ZFHX3: variants seen among roughly 807,000 people sequenced by gnomAD.
ZFHX3 encodes zinc finger homeobox 3.
ZFHX3 carries 42 observed loss-of-function variants against 279.1 expected under a neutral mutation model. The ratio of observed to expected loss-of-function variants is 0.15; its 90% CI spans 0.12 to 0.19. The LOEUF is 0.19. ZFHX3 is among the 10% of genes least tolerant of loss of function. The pLI, the probability that ZFHX3 is intolerant of heterozygous loss-of-function variation, is 1.00. For synonymous variants in ZFHX3, 2,293 were observed against 1,957.8 expected (o/e 1.17, Z -4.52); for missense variants, 4,981 against 4,754.0 (o/e 1.05, Z -1.40).
chr16:73,772,701 G>A (rs2054032164), intron 1 of ZFHX3, among the ~76,000 whole-genome samples: 1 of 152,166 alleles, frequency 6.6e-6, no homozygotes, highest in Non-Finnish European at 1.5e-5. Context: ...TCCTCGGCCT[G>A]CAGCTCCTGT....
At chr16:73,293,984 G>A (rs2014838068) in intron 4 of ZFHX3, 1 of 47,820 alleles carries the variant, frequency 2.1e-5, no homozygotes, top group Non-Finnish European at 3.3e-5. Flanking sequence ...AAGTCAATAT[G>A]CCAAAAAAAA....
At chr16:73,682,912 GAAA>G (rs2053032279) in intron 1 of ZFHX3, among the ~76,000 whole-genome samples, 1 of 19,476 alleles carries the variant, frequency 5.1e-5, no homozygotes, top group Admixed American at 6.4e-4. Flanking sequence ...GAAAGAGAAA[GAAA>G]GAGAGAAAGA....
chr16:73,695,320 C>T (rs1439259273), intron 1 of ZFHX3, among the ~76,000 whole-genome samples: 1 of 151,290 alleles, frequency 6.6e-6, no homozygotes, highest in Non-Finnish European at 1.5e-5. Flanking sequence ...ACTGCAACCT[C>T]CACCTCCCCG....
chr16:73,736,608 T>A (rs1436441838), intron 1 of ZFHX3, among the ~76,000 whole-genome samples: 1 of 152,238 alleles, frequency 6.6e-6, no homozygotes, highest in African/African-American at 2.4e-5. Flanking sequence ...CCTGCTTTTC[T>A]CTTTCGGAAA....
At position 73,852,162 on chromosome 16, in the gene ZFHX3, G is replaced by C. The variant is rs769670019; in HGVS notation, c.-1608+39489C>G. Reference sequence around the variant, plus strand: ...GGATTTTCCAGAAATGCAACTGCCAGGTAAGTCAAGGGATAACTGCAGGCT... The same window carrying C: ...GGATTTTCCAGAAATGCAACTGCCACGTAAGTCAAGGGATAACTGCAGGCT... On this transcript the variant is annotated intron_variant, in intron 1 of 17. Transcript: ENST00000641206. Among the ~76,000 whole-genome samples, 6 of 152,200 alleles carry C rather than the reference G, an allele frequency of 3.9e-5. No individual in the cohort carries two copies. The South Asian group carries it at 1.2e-3, about 31-fold the overall frequency.
At chr16:73,205,090 T>TA in intron 5 of ZFHX3, among the ~76,000 whole-genome samples, 2 of 152,228 alleles carry the variant, frequency 1.3e-5, no homozygotes, top group South Asian at 4.2e-4. Context: ...TGCTCAGAGA[T>TA]TCAGAGTCCT....
At chr16:72,840,023 A>C (rs1404460471) in intron 4 of ZFHX3, among the ~76,000 whole-genome samples, 1 of 152,202 alleles carries the variant, frequency 6.6e-6, no homozygotes, top group East Asian at 1.9e-4. Context: ...AGTGATAGAG[A>C]GTAAATTAAA....
chr16:73,368,621 G>A (rs550146884), intron 3 of ZFHX3, among the ~76,000 whole-genome samples: 2 of 152,282 alleles, frequency 1.3e-5, no homozygotes, highest in African/African-American at 4.8e-5. Flanking sequence ...TATAATGTAT[G>A]GCTAATTGCA....
At chr16:73,868,459 G>A (rs894562652) in intron 1 of ZFHX3, among the ~76,000 whole-genome samples, 7 of 152,242 alleles carry the variant, frequency 4.6e-5, no homozygotes, top group Admixed American at 1.3e-4. Flanking sequence ...GGGAGGCAGA[G>A]GTTGCAGTGA....
intron 2 of ZFHX3, among the ~76,000 whole-genome samples, chr16:73,473,371 A>AAAAAAAAACAC (rs2018709703): frequency 6.6e-6 from 1 of 150,610 alleles, no homozygotes; most frequent in African/African-American, 2.5e-5. Context: ...AAAAAAAAAA[A>AAAAAAAAACAC]ACAAAATAAT....
chr16:72,924,807 C>T (rs1007638880), intron 3 of ZFHX3, among the ~76,000 whole-genome samples: 2 of 152,200 alleles, frequency 1.3e-5, no homozygotes, highest in African/African-American at 4.8e-5. Flanking sequence ...GTTTAGCCCC[C>T]GCCTCCCTTT....
intron 1 of ZFHX3, among the ~76,000 whole-genome samples, chr16:73,714,771 T>C (rs1474917712): frequency 2.6e-5 from 4 of 152,202 alleles, no homozygotes; most frequent in Non-Finnish European, 5.9e-5. Flanking sequence ...TCCAAAACTT[T>C]AGTCTTGGTG....
intron 5 of ZFHX3, among the ~76,000 whole-genome samples, chr16:73,229,496 A>G (rs1258689309): frequency 6.6e-6 from 1 of 152,218 alleles, no homozygotes; most frequent in African/African-American, 2.4e-5. Flanking sequence ...TTATAGTTTT[A>G]GGGTTAATAT....
intron 3 of ZFHX3, among the ~76,000 whole-genome samples, chr16:73,406,653 A>C (rs1283329433): frequency 1.3e-5 from 2 of 152,216 alleles, no homozygotes; most frequent in African/African-American, 4.8e-5. Flanking sequence ...ATGCATCTGT[A>C]AAATACTCTC....
At chr16:73,862,036 C>T (rs1326496380) in intron 1 of ZFHX3, among the ~76,000 whole-genome samples, 1 of 152,218 alleles carries the variant, frequency 6.6e-6, no homozygotes, top group African/African-American at 2.4e-5. Context: ...ATCTAAGTTA[C>T]ATTTCCTAGC....
chr16:73,160,088 T>C (rs2065323848), intron 5 of ZFHX3, among the ~76,000 whole-genome samples: 1 of 152,188 alleles, frequency 6.6e-6, no homozygotes. Context: ...GGGACTTCTT[T>C]CCTTAAATAT....
chr16:73,018,012 G>T (rs1236249660), intron 1 of ZFHX3, among the ~76,000 whole-genome samples: 1 of 150,738 alleles, frequency 6.6e-6, no homozygotes, highest in African/African-American at 2.4e-5. Context: ...TTGAGACAGG[G>T]TCTTGCTCTG....
At chr16:73,853,191 G>C (rs577275948) in intron 1 of ZFHX3, among the ~76,000 whole-genome samples, 1 of 152,302 alleles carries the variant, frequency 6.6e-6, no homozygotes, top group East Asian at 1.9e-4. Flanking sequence ...GTTGGCATGG[G>C]TGGCAAAACA....
chr16:73,324,212 G>A lies in ZFHX3; in HGVS notation c.-1290-5876C>T, dbSNP rs1013101212. 9.9e-5 allele frequency among the ~76,000 whole-genome samples: 15 copies of A among 152,100 alleles called. 1 individual carries two copies. Among genetic ancestry groups the A allele is most frequent in the Middle Eastern group, 3.2e-3 (1 of 316 alleles). On this transcript the variant is annotated intron_variant, in intron 3 of 17. Transcript: ENST00000641206. ...TAGGAGGCTTGCTGAAATTCACCTG[G>A]GATTTGTCTGTGATATTGCTGGATT...
Sources: allele counts gnomAD v4.1 joint callset (sites outside exome capture counted in the v4.1 genomes callset), GRCh38; gene constraint gnomAD v4.1.1; transcripts MANE v1.5; gene names NCBI Gene and HGNC (gene_info 2026-07-23, HGNC 2026-07-21).